Variants in TECPR2 observed in about 807,000 individuals in gnomAD.
The protein encoded by TECPR2 is tectonin beta-propeller repeat-containing protein 2.
TECPR2 carries 65 observed loss-of-function variants against 138.1 expected under a neutral mutation model. The observed-to-expected ratio is 0.47, with a 90% confidence interval of 0.39 to 0.58. The LOEUF (loss-of-function observed/expected upper bound fraction) is 0.58, where lower values mean the gene tolerates loss of function less well. Ranked by LOEUF, TECPR2 falls within the 20% of genes least tolerant of loss-of-function variation. The probability of loss-of-function intolerance (pLI) is 0.00; values close to 1 mark genes in which losing one functional copy is unlikely to be tolerated. For missense variants in TECPR2, 1,553 were observed against 1,824.5 expected (o/e 0.85, Z 2.71); for synonymous variants, 746 against 749.8 (o/e 0.99, Z 0.08).
intron 1 of TECPR2, among the ~76,000 whole-genome samples, chr14:102,369,902 C>T (rs1429938140): frequency 2.0e-5 from 3 of 151,826 alleles, no homozygotes; most frequent in Non-Finnish European, 4.4e-5. Flanking sequence ...TTGCAGTGAG[C>T]CGAGATCGCA....
intron 1 of TECPR2, among the ~76,000 whole-genome samples, chr14:102,364,070 G>A (rs544388668): frequency 6.6e-6 from 1 of 152,260 alleles, no homozygotes; most frequent in South Asian, 2.1e-4. Context: ...GCAGAATGTG[G>A]GATACCAGCC....
chr14:102,368,454 C>T (rs538000295), intron 1 of TECPR2, among the ~76,000 whole-genome samples: 4 of 152,162 alleles, frequency 2.6e-5, no homozygotes, highest in Admixed American at 6.5e-5. Flanking sequence ...GATCTTCCCA[C>T]CCCAGCCTCC....
intron 17 of TECPR2, among the ~76,000 whole-genome samples, chr14:102,493,381 G>C (rs1891200132): frequency 1.3e-5 from 2 of 152,140 alleles, no homozygotes; most frequent in Admixed American, 6.5e-5. Flanking sequence ...CACATAGCCT[G>C]GTGGCCTCAG....
chr14:102,466,432 C>T (rs891981322), intron 17 of TECPR2, among the ~76,000 whole-genome samples: 1 of 152,148 alleles, frequency 6.6e-6, no homozygotes, highest in Non-Finnish European at 1.5e-5. Flanking sequence ...CACACGGTGA[C>T]GTACTCATAG....
Position 102,410,486 on chromosome 14 carries a change from A to T in TECPR2, c.480+1867A>T, listed in dbSNP as rs1350992569. ...AAAATAAATTAAAAAAAAAAATAAA[A>T]AATAAAAAATAAAAAAATAAAAACA... On this transcript the variant is annotated intron_variant, in intron 4 of 19. Transcript: ENST00000359520. Among the ~76,000 whole-genome samples the T allele has an allele frequency of 3.6e-4, 25 of 69,002 alleles. 1 individual carries two copies. The highest frequency in any genetic ancestry group is 1.7e-3 in the Admixed American group (13 of 7,780). The allele number at this position is 69,002 out of a possible 152,430, so 45.3% of individuals were successfully genotyped here.
chr14:102,427,330 G>C (rs1200726189), intron 6 of TECPR2, among the ~76,000 whole-genome samples: 1 of 152,150 alleles, frequency 6.6e-6, no homozygotes, highest in African/African-American at 2.4e-5. Context: ...TACCCAGTAG[G>C]TATAATTAAC....
chr14:102,407,691 A>C (rs566043108), intron 3 of TECPR2, among the ~76,000 whole-genome samples: 25 of 152,078 alleles, frequency 1.6e-4, no homozygotes, highest in Non-Finnish European at 3.5e-4. Context: ...GTGAAACCCC[A>C]TCTCTACTAA....
At chr14:102,463,341 C>T (rs896479396) in intron 16 of TECPR2, among the ~76,000 whole-genome samples, 210 of 140,676 alleles carry the variant, frequency 1.5e-3, no homozygotes, top group African/African-American at 5.4e-3. Context: ...GGCGTGAACC[C>T]GGGAGGCGGA....
chr14:102,487,115 CAG>C (rs1391359802), intron 17 of TECPR2, among the ~76,000 whole-genome samples: 6 of 152,110 alleles, frequency 3.9e-5, no homozygotes, highest in Admixed American at 3.3e-4. Context: ...AAGGTTAAAA[CAG>C]GGAGGGAGAG....
At chr14:102,365,058 T>G (rs769124170) in intron 1 of TECPR2, among the ~76,000 whole-genome samples, 2 of 152,212 alleles carry the variant, frequency 1.3e-5, no homozygotes, top group Non-Finnish European at 2.9e-5. Context: ...ACATAAGAGT[T>G]CTATTGACTT....
chr14:102,424,129 A>G lies in TECPR2; in HGVS notation c.639-850A>G, dbSNP rs1013612187. Among the ~76,000 whole-genome samples, 4 of 152,350 alleles carry G rather than the reference A, an allele frequency of 2.6e-5. No homozygotes were observed. In the Middle Eastern group the frequency reaches 0.01, roughly 389 times the overall value. On this transcript the variant is annotated intron_variant, in intron 5 of 19. Coordinates refer to ENST00000359520, the MANE Select transcript of TECPR2 (RefSeq NM_014844.5). ...CAAGCGTAGGTGGTAGGTACAGCCTACTTCCACCTGGGCTAAATGGTACAG... is the reference window on the plus strand; with the variant it reads ...CAAGCGTAGGTGGTAGGTACAGCCTGCTTCCACCTGGGCTAAATGGTACAG...
Position 102,465,244 on chromosome 14 carries a change from C to T in TECPR2, c.3744C>T (p.Pro1248=), listed in dbSNP as rs373973558. 8 of 1,614,078 alleles carry T rather than the reference C, an allele frequency of 5.0e-6. No individual in the cohort carries two copies. The East Asian group carries it at 1.1e-4, about 22-fold the overall frequency. ...GTGTAGGGACTCAGCCTCTCAATCCCAGTCTCATGCTTCCAGCCTGGATAA... is the reference window on the plus strand; with the variant it reads ...GTGTAGGGACTCAGCCTCTCAATCCTAGTCTCATGCTTCCAGCCTGGATAA... ...YFRVGTQPLN[P]SLMLPAWIMI... The change falls in exon 17 of 20, where the codon CCC becomes CCT. Residue 1248 remains proline (P), a synonymous_variant. Coordinates refer to ENST00000359520, the MANE Select transcript of TECPR2 (RefSeq NM_014844.5).
chr14:102,383,058 T>A (rs1244175591), intron 2 of TECPR2, among the ~76,000 whole-genome samples: 2 of 152,120 alleles, frequency 1.3e-5, no homozygotes, highest in Non-Finnish European at 2.9e-5. Flanking sequence ...GTGCCCAGCC[T>A]GCAAATCTTA....
intron 17 of TECPR2, among the ~76,000 whole-genome samples, chr14:102,492,615 C>T (rs910989785): frequency 2.0e-5 from 3 of 152,348 alleles, no homozygotes; most frequent in East Asian, 1.9e-4. Flanking sequence ...TCCTCAGCAT[C>T]GGGCTGGGCT....
chr14:102,497,711 G>T lies in TECPR2; in HGVS notation c.4073G>T (p.Cys1358Phe), dbSNP rs1486391579. Residue 1358 changes from cysteine (C) to phenylalanine (F), a missense_variant, in exon 19 of 20, where the codon TGT (cysteine) becomes TTT (phenylalanine). Transcript: ENST00000359520. ...YWKKIPGSVS[C>F]FTVTASDELW... Reference sequence around the variant, plus strand: ...AAGAAAATTCCCGGCAGCGTGTCGTGTTTCACAGGCAGGTGCCCGGGGCCA... The same window carrying T: ...AAGAAAATTCCCGGCAGCGTGTCGTTTTTCACAGGCAGGTGCCCGGGGCCA... 11 of 1,605,414 alleles carry T rather than the reference G, an allele frequency of 6.9e-6. No homozygotes were observed. The highest frequency in any genetic ancestry group is 9.4e-6 in the Non-Finnish European group (11 of 1,175,208).
chr14:102,380,447 G>A (rs150220450), intron 2 of TECPR2, among the ~76,000 whole-genome samples: 2,266 of 152,286 alleles, frequency 0.015, 51 homozygotes, highest in African/African-American at 0.049. Context: ...GCATGGCTGC[G>A]GAGGCCTCAG....
rs1055519256 is a variant in TECPR2 at position 102,463,118 on chromosome 14, G to A, written c.3641-2023G>A. ...CAGGATCTCCATTGGGGAAACTGGC[G>A]GTTTCTTTAAAAATGAAACAGGCCG... On this transcript the variant is annotated intron_variant, in intron 16 of 19. Transcript: ENST00000359520. Among the ~76,000 whole-genome samples, 6 of 152,144 alleles carry A rather than the reference G, an allele frequency of 3.9e-5. No individual in the cohort carries two copies. In the East Asian group the frequency reaches 5.8e-4, roughly 15 times the overall value.
chr14:102,418,890 T>G lies in TECPR2; in HGVS notation c.638+4097T>G, dbSNP rs970843910. 1.1e-4 allele frequency among the ~76,000 whole-genome samples: 16 copies of G among 152,044 alleles called. 1 individual carries two copies. The highest frequency in any genetic ancestry group is 3.6e-4 in the African/African-American group (15 of 41,402). On this transcript the variant is annotated intron_variant, in intron 5 of 19. Coordinates refer to ENST00000359520, the MANE Select transcript of TECPR2 (RefSeq NM_014844.5). ...TTGGAGATGATTCCTAGGTCTGTGG[T>G]CTATGCAGCTGGGTGAGTGGACATG...
At chr14:102,396,927 CATT>C (rs1363619404) in intron 2 of TECPR2, among the ~76,000 whole-genome samples, 1 of 152,182 alleles carries the variant, frequency 6.6e-6, no homozygotes, top group East Asian at 1.9e-4. Context: ...TACACCTCCT[CATT>C]ATTGCAAGTT....
Sources: allele counts gnomAD v4.1 joint callset (sites outside exome capture counted in the v4.1 genomes callset), GRCh38; gene constraint gnomAD v4.1.1; transcripts MANE v1.5; gene names NCBI Gene and HGNC (gene_info 2026-07-23, HGNC 2026-07-21).